Variants in SOD2 observed in about 807,000 individuals in gnomAD.
The protein encoded by SOD2 is superoxide dismutase 2, also known as superoxide dismutase [Mn], mitochondrial.
In SOD2, 11 loss-of-function variants were observed where a neutral mutation model predicts 27.0. The ratio of observed to expected loss-of-function variants is 0.41; its 90% CI spans 0.26 to 0.67. The LOEUF is 0.67. Among genes scored for constraint, SOD2 ranks in the 30% least tolerant of loss-of-function variants. SOD2 has a pLI of 0.34. For synonymous variants in SOD2, 105 were observed against 103.0 expected, an observed-to-expected ratio of 1.02 and a Z score of -0.12; for missense variants, 250 against 274.5, an observed-to-expected ratio of 0.91 and a Z score of 0.63.
intron 1 of SOD2, among the ~76,000 whole-genome samples, chr6:159,734,872 TGTG>T (rs1287451700): frequency 2.0e-5 from 3 of 152,184 alleles, no homozygotes; most frequent in East Asian, 1.9e-4. Context: ...TGTATTTTAA[TGTG>T]GTGTTTATGT....
intron 4 of SOD2, among the ~76,000 whole-genome samples, chr6:159,683,526 C>T (rs1455183846): frequency 6.6e-6 from 1 of 152,130 alleles, no homozygotes; most frequent in Non-Finnish European, 1.5e-5. Context: ...GCTCTCTCTA[C>T]AAAAACAATT....
At chr6:159,744,498 GGAGAC>G (rs1489785797) in intron 1 of SOD2, among the ~76,000 whole-genome samples, 6 of 148,848 alleles carry the variant, frequency 4.0e-5, no homozygotes, top group African/African-American at 1.5e-4. Flanking sequence ...TCTGGTCATT[GGAGAC>G]ACCAAAAATC....
Position 159,682,527 on chromosome 6 carries a change from T to G in SOD2, c.635A>C (p.Asn212Thr). The G allele has an allele frequency of 6.2e-7, 1 of 1,613,958 alleles. No individual in the cohort carries two copies. Among genetic ancestry groups the G allele is most frequent in the Non-Finnish European group, 8.5e-7 (1 of 1,179,954 alleles). The change falls in exon 5 of 5, where the codon AAT becomes ACT. Residue 212 changes from asparagine to threonine, a missense_variant. By Grantham distance (65) the Asn-to-Thr change is moderately conservative. Transcript: ENST00000538183. ...GCAAGCCATGTATCTTTCAGTTACA[T>G]TCTCCCAGTTGATTACATTCCAAAT... is the stretch of plus-strand genomic sequence containing the variant. ...KAIWNVINWE[N>T]VTERYMACKK
chr6:159,709,312 C>T (rs927698005), intron 1 of SOD2, among the ~76,000 whole-genome samples: 11 of 152,236 alleles, frequency 7.2e-5, no homozygotes, highest in Admixed American at 2.6e-4. Context: ...AAAAAACTAC[C>T]ATTAGACTGA....
chr6:159,753,021 T>C (rs1336969350), intron 1 of SOD2, among the ~76,000 whole-genome samples: 1 of 152,252 alleles, frequency 6.6e-6, no homozygotes, highest in Non-Finnish European at 1.5e-5. Context: ...TCATTTTTAT[T>C]TGTAGGTACT....
In SOD2 at chr6:159,675,929, G is replaced by C. The variant is rs1171909641; in HGVS notation, c.*6564C>G. On this transcript the variant is annotated 3_prime_UTR_variant, in exon 5 of 5. Coordinates refer to ENST00000538183, the MANE Select transcript of SOD2 (RefSeq NM_000636.4). ...AAAAAACAAACCCCATCAAAAAGTAGGTGAAGGATATGAAGAGACACTTCT... is the reference window on the plus strand; with the variant it reads ...AAAAAACAAACCCCATCAAAAAGTACGTGAAGGATATGAAGAGACACTTCT... 6.6e-6 allele frequency: 1 copy of C among 152,192 alleles called. No individual in the cohort carries two copies. Among genetic ancestry groups the C allele is most frequent in the Non-Finnish European group, 1.5e-5 (1 of 68,040 alleles). 9.4% of individuals were successfully genotyped at this position (152,192 alleles called of 1,614,324 possible). A position where few individuals can be genotyped will look rare whatever the true frequency, so the allele number is the denominator to read the frequency against.
chr6:159,728,963 G>A (rs1383252422), upstream of SOD2, among the ~76,000 whole-genome samples: 1 of 152,194 alleles, frequency 6.6e-6, no homozygotes, highest in East Asian at 1.9e-4. Context: ...CCCAGGCACT[G>A]CTTATTTTTA....
intron 1 of SOD2, among the ~76,000 whole-genome samples, chr6:159,737,757 G>T (rs1246142381): frequency 6.6e-6 from 1 of 152,144 alleles, no homozygotes; most frequent in Non-Finnish European, 1.5e-5. Context: ...CTCCCAAAGT[G>T]CAGGAGGCAT....
upstream of SOD2, among the ~76,000 whole-genome samples, chr6:159,730,068 T>C: frequency 6.6e-6 from 1 of 152,182 alleles, no homozygotes; most frequent in Non-Finnish European, 1.5e-5. Flanking sequence ...TATGTAATTT[T>C]AAAACTAGTC....
At chr6:159,710,851 C>A (rs563612529) in intron 1 of SOD2, among the ~76,000 whole-genome samples, 256 of 151,044 alleles carry the variant, frequency 1.7e-3, no homozygotes, top group African/African-American at 6.0e-3. Context: ...CCATAACCAC[C>A]TCATAACCAC....
At chr6:159,747,248 T>C (rs1246319039), upstream of SOD2, among the ~76,000 whole-genome samples, 1 of 152,154 alleles carries the variant, frequency 6.6e-6, no homozygotes, top group Non-Finnish European at 1.5e-5. Flanking sequence ...AGTGTGCTAG[T>C]AAATAGCACA....
chr6:159,761,662 C>A (rs1191519391), exon 1 of SOD2: 2 of 435,754 alleles, frequency 4.6e-6, no homozygotes, highest in African/African-American at 2.1e-5. Flanking sequence ...GTCTTTGTCA[C>A]CCCCCAGTCT....
At position 159,673,707 on chromosome 6, in the gene SOD2, C is replaced by T. The variant is rs1037701544; in HGVS notation, c.*8786G>A. 1.3e-5 allele frequency: 2 copies of T among 152,118 alleles called. No individual in the cohort carries two copies. Among genetic ancestry groups the T allele is most frequent in the Non-Finnish European group, 2.9e-5 (2 of 68,002 alleles). The allele number at this position is 152,118 out of a possible 1,614,324, so 9.4% of individuals were successfully genotyped here. A position where few individuals can be genotyped will look rare whatever the true frequency, so the allele number is the denominator to read the frequency against. ...AAAATATTAGAGAAGCAAGAGCAAA[C>T]ACATTCAACAGCTAGCAGAAGACAA... On this transcript the variant is annotated 3_prime_UTR_variant, in exon 5 of 5. Coordinates refer to ENST00000538183, the MANE Select transcript of SOD2 (RefSeq NM_000636.4).
upstream of SOD2, among the ~76,000 whole-genome samples, chr6:159,694,559 C>T (rs1193564916): frequency 6.6e-6 from 1 of 152,082 alleles, no homozygotes; most frequent in Non-Finnish European, 1.5e-5. Flanking sequence ...GAAATTCAGG[C>T]TGGGACCAGG....
At chr6:159,684,757 A>AAGATTTG in intron 4 of SOD2, 97 bp downstream of exon 4, 1 of 963,772 alleles carries the variant, frequency 1.0e-6, no homozygotes, top group Non-Finnish European at 1.5e-6. Context: ...GCAAATTATT[A>AAGATTTG]CATGTTCTTA....
Position 159,698,930 on chromosome 6 carries a change from C to CTGGGGGG in SOD2, c.-115-6074_-115-6068dup, listed in dbSNP as rs1260776403. ...GAGGAAGAGAGGTTGATCTTGCTGTCTGGGGGGTGGGGGGCGGGGGTGGAG... is the reference window on the plus strand; with the variant it reads ...GAGGAAGAGAGGTTGATCTTGCTGTCTGGGGGGTGGGGGGTGGGGGGCGGGGGTGGAG... On this transcript the variant is annotated intron_variant, in intron 1 of 2. Transcript: ENST00000401980. Among the ~76,000 whole-genome samples, 1,480 of 114,340 alleles carry CTGGGGGG rather than the reference C, an allele frequency of 0.013. 16 individuals are homozygous for CTGGGGGG. The Middle Eastern group carries it at 0.14, about 11-fold the overall frequency. 75.0% of individuals were successfully genotyped at this position (114,340 alleles called of 152,430 possible).
At chr6:159,704,023 C>T (rs772959225) in intron 1 of SOD2, among the ~76,000 whole-genome samples, 22 of 152,154 alleles carry the variant, frequency 1.4e-4, no homozygotes, top group South Asian at 2.1e-4. Flanking sequence ...TGGTGGCTCA[C>T]GCCTGTAATC....
chr6:159,727,719 C>T, upstream of SOD2: 1 of 985,368 alleles, frequency 1.0e-6, no homozygotes, highest in Non-Finnish European at 1.2e-6. Context: ...CGCGGGCCGG[C>T]TGGCGGGAGC....
chr6:159,742,070 T>C (rs1779290203), intron 1 of SOD2: 2 of 1,570,994 alleles, frequency 1.3e-6, no homozygotes, highest in African/African-American at 1.4e-5. Context: ...AACTAATGTA[T>C]GGATTTTTTT....
Sources: gnomAD v4.1 joint callset for allele counts (sites outside exome capture counted in the v4.1 genomes callset) on GRCh38, gnomAD v4.1.1 for gene constraint, MANE v1.5 for transcripts, NCBI Gene and HGNC (gene_info 2026-07-23, HGNC 2026-07-21) for gene names.